CYP26B1: variants seen among roughly 807,000 people sequenced by gnomAD.
CYP26B1 encodes cytochrome P450 26B1.
In CYP26B1, 8 loss-of-function variants were observed where a neutral mutation model predicts 39.1. That is an observed-to-expected ratio of 0.20 (90% CI 0.12 to 0.37). CYP26B1 has a LOEUF of 0.37. Among genes scored for constraint, CYP26B1 ranks in the 10% least tolerant of loss-of-function variants. The pLI, the probability that CYP26B1 is intolerant of heterozygous loss-of-function variation, is 1.00. For missense variants in CYP26B1, 615 were observed against 707.0 expected (o/e 0.87, Z 1.48); for synonymous variants, 321 against 314.3 (o/e 1.02, Z -0.23).
chr2:72,133,293 C>T lies in CYP26B1; in HGVS notation c.876G>A (p.Glu292=). 6.2e-7 allele frequency: 1 copy of T among 1,606,350 alleles called. No individual in the cohort carries two copies. The highest frequency in any genetic ancestry group is 8.5e-7 in the Non-Finnish European group (1 of 1,179,538). ...TMQELKDGTL[E]LIFAAYATTA... ...TGGTGGCATAGGCCGCAAAGATCAGCTCCAGGGTCCCGTCCTGCAGGGCAC... is the reference window on the plus strand; with the variant it reads ...TGGTGGCATAGGCCGCAAAGATCAGTTCCAGGGTCCCGTCCTGCAGGGCAC... The change falls in exon 5 of 6, where the codon GAG becomes GAA. Residue 292 remains glutamate (E), a synonymous_variant. Transcript: ENST00000001146.
intron 1 of CYP26B1, among the ~76,000 whole-genome samples, chr2:72,144,965 C>G (rs905459613): frequency 2.3e-4 from 35 of 152,154 alleles, no homozygotes; most frequent in African/African-American, 8.2e-4. Context: ...ACTCTCGAAA[C>G]GGCTGGCGGA....
intron 1 of CYP26B1, among the ~76,000 whole-genome samples, chr2:72,146,329 C>A (rs1275410404): frequency 1.2e-5 from 1 of 86,548 alleles, no homozygotes. Context: ...AGTGTGGTGG[C>A]GAGGGAAAGG....
intron 2 of CYP26B1, among the ~76,000 whole-genome samples, chr2:72,143,509 G>C (rs542476488): frequency 7.5e-5 from 11 of 146,306 alleles, no homozygotes; most frequent in African/African-American, 2.7e-4. Flanking sequence ...CGCCACCGCA[G>C]CCCACAAGCT....
chr2:72,137,355 CTGTAAAACAG>C (rs1676807061), intron 2 of CYP26B1, among the ~76,000 whole-genome samples: 1 of 152,228 alleles, frequency 6.6e-6, no homozygotes, highest in Non-Finnish European at 1.5e-5. Context: ...GTTTCCTCAT[CTGTAAAACAG>C]TGAGGTGGAA....
rs555564301 is a variant in CYP26B1, at chr2:72,135,822, A to C, written c.430-403T>G. ...CTCAAGCAGGACTTCCTGGGAACCA[A>C]AATTGTCATTACTTGCTGGAAAACA... On this transcript the variant is annotated intron_variant, in intron 2 of 5. Coordinates refer to ENST00000001146, the MANE Select transcript of CYP26B1 (RefSeq NM_019885.4). Among the ~76,000 whole-genome samples, 8 of 152,320 alleles carry C rather than the reference A, an allele frequency of 5.3e-5. No homozygotes were observed. The South Asian group carries it at 1.4e-3, about 28-fold the overall frequency.
chr2:72,132,557 C>T lies in CYP26B1; in HGVS notation c.1209G>A (p.Ala403=), dbSNP rs555351236. Residue 403 remains alanine (A), a synonymous_variant, in exon 6 of 6, where the codon GCG becomes GCA. Transcript: ENST00000001146. The part of the protein sequence containing the change: ...MYSIRDTHDT[A]PVFKDVNVFD... ...ACACGTTCACGTCTTTGAACACGGG[C>T]GCTGTGTCATGGGTGTCCCGGATGC... The T allele has an allele frequency of 2.5e-5, 40 of 1,609,350 alleles. No individual in the cohort carries two copies. The highest frequency in any genetic ancestry group is 1.4e-4 in the South Asian group (13 of 90,706).
At position 72,130,882 on chromosome 2, in the gene CYP26B1, G is replaced by C. The variant is rs557688310; in HGVS notation, c.*1345C>G. 3 of 152,340 alleles carry C rather than the reference G, an allele frequency of 2.0e-5. No individual in the cohort carries two copies. The highest frequency in any genetic ancestry group is 1.9e-4 in the East Asian group (1 of 5,182). 9.4% of individuals were successfully genotyped at this position (152,340 alleles called of 1,614,324 possible). ...CACACAGGGCCCTGCAATCAGCTCC[G>C]AGGCAGAACTGCCGCTGCGCTCACC... On this transcript the variant is annotated 3_prime_UTR_variant, in exon 6 of 6. Transcript: ENST00000001146.
At position 72,147,089 on chromosome 2, in the gene CYP26B1, G is replaced by A. The variant is rs1677142020; in HGVS notation, c.204+542C>T. On this transcript the variant is annotated intron_variant, in intron 1 of 5. Transcript: ENST00000001146. This position sits in a 1 kb window ranked among gnomAD's most constrained non-coding sequence, Gnocchi z 6.1. ...TCCACCACAAAACAGACACACTCGC[G>A]CGGACCGCGGACCAGGGACACTGTA... Among the ~76,000 whole-genome samples the A allele has an allele frequency of 6.6e-6, 1 of 152,136 alleles. No homozygotes were observed. Among genetic ancestry groups the A allele is most frequent in the Non-Finnish European group, 1.5e-5 (1 of 68,024 alleles).
chr2:72,134,521 A>G (rs1036512653), intron 4 of CYP26B1, among the ~76,000 whole-genome samples: 18 of 152,162 alleles, frequency 1.2e-4, no homozygotes, highest in Admixed American at 9.2e-4. Flanking sequence ...GATCATTCCC[A>G]GGCCTGAGCT....
Position 72,133,119 on chromosome 2 carries a change from C to G in CYP26B1, c.1050G>C (p.Gly350=), listed in dbSNP as rs1428034613. 1.2e-6 allele frequency: 2 copies of G among 1,613,010 alleles called. No individual in the cohort carries two copies. The highest frequency in any genetic ancestry group is 1.7e-6 in the Non-Finnish European group (2 of 1,179,992). ...EGTLRLDTLS[G]LRYLDCVIKE... ...TGATGACGCAGTCCAGGTAGCGCAGCCCACTGAGCGTGTCCAGGCGCAGTG... is the reference window on the plus strand; with the variant it reads ...TGATGACGCAGTCCAGGTAGCGCAGGCCACTGAGCGTGTCCAGGCGCAGTG... The change falls in exon 5 of 6, where the codon GGG becomes GGC. Residue 350 remains glycine (G), a synonymous_variant. Transcript: ENST00000001146.
In CYP26B1 at chr2:72,135,230, G is replaced by A; in HGVS notation, c.619C>T (p.Leu207Phe). 6.2e-7 allele frequency: 1 copy of A among 1,614,064 alleles called. No homozygotes were observed. The highest frequency in any genetic ancestry group is 8.5e-7 in the Non-Finnish European group (1 of 1,180,010). The part of the protein sequence containing the change: ...LLGFSIPEED[L>F]GHLFEVYQQF... ...TGGTAGACCTCAAAGAGGTGCCCAA[G>A]GTCCTCCTCAGGGATGCTGAAGCCC... The change falls in exon 3 of 6, where the codon CTT becomes TTT. Residue 207 changes from leucine to phenylalanine, a missense_variant. Transcript: ENST00000001146.
Position 72,147,803 on chromosome 2 carries a change from G to A in CYP26B1, c.32C>T (p.Ala11Val). 6.4e-7 allele frequency: 1 copy of A among 1,550,964 alleles called. No individual in the cohort carries two copies. The highest frequency in any genetic ancestry group is 8.7e-7 in the Non-Finnish European group (1 of 1,148,532). Residue 11 changes from alanine to valine, a missense_variant, in exon 1 of 6, where the codon GCG (alanine) becomes GTG (valine). Coordinates refer to ENST00000001146, the MANE Select transcript of CYP26B1 (RefSeq NM_019885.4). The surrounding 1 kb of genome is among the most constrained non-coding windows in gnomAD (Gnocchi z 6.1). ...CAGGCACGCGGCGAGGGTGGCCAGC[G>A]CCGACACCAGATCCAAGCCCTCAAA... Reference protein sequence around the residue: MLFEGLDLVSALATLAACLVS... With the variant: MLFEGLDLVSVLATLAACLVS...
intron 1 of CYP26B1, chr2:72,144,523 C>T: frequency 8.9e-7 from 1 of 1,123,410 alleles, no homozygotes; most frequent in Non-Finnish European, 1.1e-6. Context: ...AGTCTCCGCC[C>T]CCACCCCCAC....
rs747090182 is a variant in CYP26B1, at chr2:72,129,364, C to T, written c.*2863G>A. 2 of 152,578 alleles carry T rather than the reference C, an allele frequency of 1.3e-5. No homozygotes were observed. Among genetic ancestry groups the T allele is most frequent in the African/African-American group, 4.8e-5 (2 of 41,438 alleles). The allele number at this position is 152,578 out of a possible 1,614,324, so 9.5% of individuals were successfully genotyped here. ...GAATATTATATACAGATTAAAACCA[C>T]GACAGCAAAAACACTCACACGGTAC... On this transcript the variant is annotated 3_prime_UTR_variant, in exon 6 of 6. Coordinates refer to ENST00000001146, the MANE Select transcript of CYP26B1 (RefSeq NM_019885.4).
intron 2 of CYP26B1, among the ~76,000 whole-genome samples, chr2:72,143,655 G>T (rs375354034): frequency 6.6e-6 from 1 of 152,268 alleles, no homozygotes; most frequent in Non-Finnish European, 1.5e-5. Flanking sequence ...AAAGGCGAAC[G>T]CCGGCCAACT....
chr2:72,145,201 C>T (rs1192345915), intron 1 of CYP26B1, among the ~76,000 whole-genome samples: 1 of 152,252 alleles, frequency 6.6e-6, no homozygotes. Flanking sequence ...CTCCTGCACC[C>T]CCGAGGGGAC....
rs1326642748 is a variant in CYP26B1, at chr2:72,147,427, C to T, written c.204+204G>A. Among the ~76,000 whole-genome samples the T allele has an allele frequency of 6.6e-6, 1 of 152,234 alleles. No individual in the cohort carries two copies. Among genetic ancestry groups the T allele is most frequent in the Non-Finnish European group, 1.5e-5 (1 of 68,034 alleles). On this transcript the variant is annotated intron_variant, in intron 1 of 5. Transcript: ENST00000001146. The surrounding 1 kb of genome is among the most constrained non-coding windows in gnomAD (Gnocchi z 6.1). ...AACCCCTCTTACCAGCCCCCTGAAC[C>T]TGCGCCGCGGGCGCCAGTGGTCCCG...
At position 72,129,924 on chromosome 2, in the gene CYP26B1, A is replaced by G. The variant is rs976963134; in HGVS notation, c.*2303T>C. 2.6e-5 allele frequency: 4 copies of G among 152,338 alleles called. No homozygotes were observed. Among genetic ancestry groups the G allele is most frequent in the African/African-American group, 7.2e-5 (3 of 41,552 alleles). The allele number at this position is 152,338 out of a possible 1,614,324, so 9.4% of individuals were successfully genotyped here. ...CACAGGGATCCTGTCAGCCAGCCAG[A>G]GCTTTCTTCAGCTCTCTTCTCACTG... is the stretch of plus-strand genomic sequence containing the variant. On this transcript the variant is annotated 3_prime_UTR_variant, in exon 6 of 6. Coordinates refer to ENST00000001146, the MANE Select transcript of CYP26B1 (RefSeq NM_019885.4).
At chr2:72,138,955 C>CAA (rs1676859144) in intron 2 of CYP26B1, among the ~76,000 whole-genome samples, 1 of 152,230 alleles carries the variant, frequency 6.6e-6, no homozygotes. Context: ...TTCTCCCCAA[C>CAA]CAGGCCTCCT....
Sources: allele counts gnomAD v4.1 joint callset (sites outside exome capture counted in the v4.1 genomes callset), GRCh38; gene constraint gnomAD v4.1.1; non-coding constraint Gnocchi (gnomAD v3.1); transcripts MANE v1.5; gene names NCBI Gene and HGNC (gene_info 2026-07-23, HGNC 2026-07-21).